ZNF385D: variants seen among roughly 807,000 people sequenced by gnomAD.
ZNF385D encodes the protein zinc finger protein 385D.
A neutral mutation model predicts 35.8 loss-of-function variants in ZNF385D; 15 were observed. The ratio of observed to expected loss-of-function variants is 0.42; its 90% confidence interval spans 0.28 to 0.64. The LOEUF is 0.64. Among genes scored for constraint, ZNF385D ranks in the 30% least tolerant of loss-of-function variants. ZNF385D has a pLI of 0.23. For missense variants in ZNF385D, 474 were observed against 494.6 expected, an observed-to-expected ratio of 0.96 and a Z score of 0.39; for synonymous variants, 212 against 186.8, an observed-to-expected ratio of 1.13 and a Z score of -1.10.
At chr3:22,152,954 C>G (rs575553016) in intron 3 of ZNF385D, among the ~76,000 whole-genome samples, 1 of 152,208 alleles carries the variant, frequency 6.6e-6, no homozygotes, top group East Asian at 1.9e-4. Flanking sequence ...TTGTGTGTAC[C>G]TCTTATCTAC....
chr3:21,801,241 AT>A lies in ZNF385D; in HGVS notation c.326-136214del, dbSNP rs202047571. Among the ~76,000 whole-genome samples the A allele has an allele frequency of 1.2e-4, 19 of 152,076 alleles. No homozygotes were observed. In the East Asian group the frequency reaches 3.7e-3, roughly 29 times the overall value. On this transcript the variant is annotated intron_variant, in intron 3 of 5. Transcript: ENST00000494108. ...TTGGTTTACTAGTACTTTCTTGAGG[AT>A]TTTTGTGTGTGTCAGTATTCATTAG...
intron 2 of ZNF385D, among the ~76,000 whole-genome samples, chr3:22,171,310 C>G (rs1040882448): frequency 1.3e-5 from 2 of 152,118 alleles, no homozygotes; most frequent in African/African-American, 4.8e-5. Context: ...ACATTTCCAT[C>G]TTGACCCACA....
chr3:21,543,306 A>T (rs1030948041), intron 3 of ZNF385D, among the ~76,000 whole-genome samples: 1 of 152,180 alleles, frequency 6.6e-6, no homozygotes, highest in Non-Finnish European at 1.5e-5. Context: ...CAAGAGCGGG[A>T]CTATCTCGGA....
Position 22,262,312 on chromosome 3 carries a change from G to A in ZNF385D, c.107-93277C>T, listed in dbSNP as rs528730494. ...GAGAACATTTAGGAAAATGTTCCAA[G>A]TGACACATGGAGTTAACACACATGG... On this transcript the variant is annotated intron_variant, in intron 2 of 5. Transcript: ENST00000494108. Among the ~76,000 whole-genome samples the A allele has an allele frequency of 2.1e-4, 32 of 152,030 alleles. No homozygotes were observed. In the South Asian group the frequency reaches 6.4e-3, roughly 31 times the overall value.
At chr3:22,105,296 C>A (rs1467670594) in intron 3 of ZNF385D, among the ~76,000 whole-genome samples, 1 of 150,836 alleles carries the variant, frequency 6.6e-6, no homozygotes, top group Non-Finnish European at 1.5e-5. Flanking sequence ...TCAGTAATTA[C>A]TGCATATTGC....
intron 3 of ZNF385D, among the ~76,000 whole-genome samples, chr3:22,088,284 A>T (rs1701148432): frequency 6.6e-6 from 1 of 152,186 alleles, no homozygotes; most frequent in Admixed American, 6.5e-5. Flanking sequence ...AAAATATGTG[A>T]TAAAACATGA....
chr3:22,084,655 A>G (rs1700933339), intron 3 of ZNF385D, among the ~76,000 whole-genome samples: 1 of 152,154 alleles, frequency 6.6e-6, no homozygotes, highest in South Asian at 2.1e-4. Flanking sequence ...CCACTGTCAA[A>G]ATTAGACAGA....
rs560508855 is a variant in ZNF385D, at chr3:21,649,335, G to T, written c.165+15551C>A. Among the ~76,000 whole-genome samples, 124 of 152,250 alleles carry T rather than the reference G, an allele frequency of 8.1e-4. 2 individuals carry two copies. In the South Asian group the frequency reaches 0.02, roughly 24 times the overall value. On this transcript the variant is annotated intron_variant, in intron 2 of 7. Coordinates refer to ENST00000281523, the MANE Select transcript of ZNF385D (RefSeq NM_024697.3). Reference sequence around the variant, plus strand: ...AAAAAGAGTCCACACTGAAGTTTCTGAGATAACATGGACACAGTGTACTCC... The same window carrying T: ...AAAAAGAGTCCACACTGAAGTTTCTTAGATAACATGGACACAGTGTACTCC...
chr3:21,512,462 G>C (rs568129111), intron 3 of ZNF385D, among the ~76,000 whole-genome samples: 1 of 152,216 alleles, frequency 6.6e-6, no homozygotes, highest in South Asian at 2.1e-4. Flanking sequence ...GATAACTAGG[G>C]TGTTGCAATA....
intron 3 of ZNF385D, among the ~76,000 whole-genome samples, chr3:22,027,443 A>G (rs1466171342): frequency 6.6e-6 from 1 of 152,194 alleles, no homozygotes; most frequent in East Asian, 1.9e-4. Context: ...TGCTGTTTCA[A>G]GCCTTTGGCA....
At chr3:21,925,158 A>G (rs1700665662) in intron 3 of ZNF385D, among the ~76,000 whole-genome samples, 1 of 152,154 alleles carries the variant, frequency 6.6e-6, no homozygotes, top group Admixed American at 6.5e-5. Context: ...TTATTTTGAA[A>G]TATATATGGA....
chr3:21,708,712 T>C (rs2067994753), intron 1 of ZNF385D, among the ~76,000 whole-genome samples: 2 of 152,236 alleles, frequency 1.3e-5, no homozygotes, highest in Admixed American at 1.3e-4. Flanking sequence ...TCTAATATTT[T>C]TATTTTGTCA....
chr3:22,368,665 G>C (rs1448674167), intron 2 of ZNF385D, among the ~76,000 whole-genome samples: 4 of 152,040 alleles, frequency 2.6e-5, no homozygotes, highest in African/African-American at 9.7e-5. Flanking sequence ...ACAAAGAAAG[G>C]GTCCTCATCT....
intron 3 of ZNF385D, among the ~76,000 whole-genome samples, chr3:22,136,645 A>G (rs1169455431): frequency 6.6e-6 from 1 of 152,204 alleles, no homozygotes; most frequent in Non-Finnish European, 1.5e-5. Flanking sequence ...ACAAACAAGC[A>G]TATCGCTTTA....
At chr3:22,136,528 G>C (rs954488383) in intron 3 of ZNF385D, among the ~76,000 whole-genome samples, 1 of 152,030 alleles carries the variant, frequency 6.6e-6, no homozygotes, top group African/African-American at 2.4e-5. Flanking sequence ...TCCATTTTCA[G>C]AATATATAAA....
intron 2 of ZNF385D, among the ~76,000 whole-genome samples, chr3:21,620,624 T>C (rs909285947): frequency 1.3e-5 from 2 of 152,134 alleles, no homozygotes; most frequent in African/African-American, 4.8e-5. Flanking sequence ...TATTTCAATC[T>C]CAGCCCCCTA....
At chr3:21,433,831 G>A (rs1298113192) in intron 5 of ZNF385D, among the ~76,000 whole-genome samples, 2 of 152,104 alleles carry the variant, frequency 1.3e-5, no homozygotes, top group African/African-American at 4.8e-5. Flanking sequence ...AAGATTTAGT[G>A]TATATTAAAT....
At chr3:22,243,507 G>A (rs192840995) in intron 2 of ZNF385D, among the ~76,000 whole-genome samples, 8 of 151,142 alleles carry the variant, frequency 5.3e-5, no homozygotes, top group Non-Finnish European at 1.2e-4. Flanking sequence ...AGATTTCTGA[G>A]CAAGGGAATA....
intron 3 of ZNF385D, among the ~76,000 whole-genome samples, chr3:22,070,348 A>G (rs761232768): frequency 8.5e-5 from 13 of 152,168 alleles, no homozygotes; most frequent in Non-Finnish European, 1.8e-4. Context: ...ACTACAGAGA[A>G]ACGGATGCCT....
Sources: allele counts gnomAD v4.1 joint callset (sites outside exome capture counted in the v4.1 genomes callset), GRCh38; gene constraint gnomAD v4.1.1; transcripts MANE v1.5; gene names NCBI Gene and HGNC (gene_info 2026-07-23, HGNC 2026-07-21).